The following BCKDHB variants were observed in gnomAD, a reference collection of about 807,000 sequenced individuals.
The protein encoded by BCKDHB is 2-oxoisovalerate dehydrogenase subunit beta, mitochondrial.
BCKDHB carries 41 observed loss-of-function variants against 48.5 expected under a neutral mutation model. That is an observed-to-expected ratio of 0.85 (90% confidence interval 0.66 to 1.10). BCKDHB has a LOEUF of 1.10. Ranked by LOEUF, BCKDHB falls within the 50% of genes least tolerant of loss-of-function variation. The pLI is 0.00. For synonymous variants in BCKDHB, 201 were observed against 174.8 expected, an observed-to-expected ratio of 1.15 and a Z score of -1.18; for missense variants, 496 against 494.2, an observed-to-expected ratio of 1.00 and a Z score of -0.03.
the BCKDHB span, among the ~76,000 whole-genome samples, chr6:80,464,630 C>G: frequency 6.6e-6 from 1 of 152,200 alleles, no homozygotes; most frequent in Non-Finnish European, 1.5e-5. Context: ...AAGGAGACTG[C>G]TTGCCCTTTA....
chr6:80,158,835 A>T (rs988668336), intron 3 of BCKDHB, among the ~76,000 whole-genome samples: 8 of 152,204 alleles, frequency 5.3e-5, no homozygotes, highest in African/African-American at 1.9e-4. Flanking sequence ...CCAAGGCAAC[A>T]TGGTGGGTGA....
intron 9 of BCKDHB, among the ~76,000 whole-genome samples, chr6:80,294,842 TTTTGCCCTTTGG>T (rs1767139836): frequency 6.6e-6 from 1 of 151,724 alleles, no homozygotes; most frequent in African/African-American, 2.4e-5. Context: ...GTAGTTCTCC[TTTTGCCCTTTGG>T]CTTGTGACCT....
chr6:80,323,767 GA>G (rs1356359967), intron 9 of BCKDHB, among the ~76,000 whole-genome samples: 3 of 152,084 alleles, frequency 2.0e-5, no homozygotes, highest in African/African-American at 4.8e-5. Context: ...TTATTAGTGA[GA>G]AAAAGCAAAA....
upstream of BCKDHB, chr6:80,106,669 C>T (rs780700388): frequency 3.9e-6 from 6 of 1,548,398 alleles, no homozygotes; most frequent in Non-Finnish European, 8.7e-7. Context: ...GCTGCATAGC[C>T]TGAGAATCCC....
chr6:80,428,484 A>G, the BCKDHB span, among the ~76,000 whole-genome samples: 1 of 152,110 alleles, frequency 6.6e-6, no homozygotes, highest in Non-Finnish European at 1.5e-5. Context: ...TTACACTCCC[A>G]CCAACAGTGT....
chr6:80,210,789 A>G (rs1204403420), intron 8 of BCKDHB, among the ~76,000 whole-genome samples: 1 of 152,118 alleles, frequency 6.6e-6, no homozygotes, highest in Admixed American at 6.6e-5. Flanking sequence ...CTGATGTGAA[A>G]CAGGAGCTCA....
intron 1 of BCKDHB, among the ~76,000 whole-genome samples, chr6:80,119,065 G>A (rs73477995): frequency 0.012 from 1,780 of 152,162 alleles, 35 homozygotes; most frequent in African/African-American, 0.04. Context: ...CAAGGCTGGC[G>A]GATCATCTGA....
At chr6:80,323,032 G>C (rs1768829108) in intron 9 of BCKDHB, among the ~76,000 whole-genome samples, 1 of 151,806 alleles carries the variant, frequency 6.6e-6, no homozygotes, top group African/African-American at 2.4e-5. Flanking sequence ...ATTGGACAGA[G>C]CTGATTTCAG....
At chr6:80,384,354 T>C in the BCKDHB span, among the ~76,000 whole-genome samples, 1 of 147,498 alleles carries the variant, frequency 6.8e-6, no homozygotes, top group African/African-American at 2.6e-5. Context: ...TCTTCTTTTT[T>C]TTTTTTTTTG....
chr6:80,106,667 G>A (rs1316399732), upstream of BCKDHB: 6 of 1,547,920 alleles, frequency 3.9e-6, no homozygotes, highest in East Asian at 9.8e-5. Context: ...CGGCTGCATA[G>A]CCTGAGAATC....
rs748693585 is a variant in BCKDHB, at chr6:80,129,218, G to A, written c.332G>A (p.Arg111Gln). Residue 111 changes from arginine (R) to glutamine (Q), a missense_variant, in exon 3 of 10, where the codon CGA (arginine) becomes CAA (glutamine). Coordinates refer to ENST00000320393, the MANE Select transcript of BCKDHB (RefSeq NM_183050.4). ...GGVFRCTVGL[R>Q]DKYGKDRVFN... is the part of the protein sequence containing the mutation. Reference sequence around the variant, plus strand: ...GTCTTTAGATGCACTGTTGGCTTGCGAGACAAATATGGTAAGTAAATACCT... The same window carrying A: ...GTCTTTAGATGCACTGTTGGCTTGCAAGACAAATATGGTAAGTAAATACCT... 28 of 1,609,986 alleles carry A rather than the reference G, an allele frequency of 1.7e-5. No homozygotes were observed. Among genetic ancestry groups the A allele is most frequent in the Admixed American group, 3.3e-5 (2 of 59,922 alleles).
chr6:80,394,698 G>T, the BCKDHB span, among the ~76,000 whole-genome samples: 7 of 152,194 alleles, frequency 4.6e-5, no homozygotes, highest in East Asian at 1.3e-3. Flanking sequence ...CCAGCTGTCA[G>T]TAGCTACAGG....
At chr6:80,168,115 A>G (rs563796677) in intron 4 of BCKDHB, among the ~76,000 whole-genome samples, 2 of 152,036 alleles carry the variant, frequency 1.3e-5, no homozygotes, top group South Asian at 2.1e-4. Flanking sequence ...ATGAGAACCC[A>G]TATCTACAAA....
At chr6:80,429,807 C>T in the BCKDHB span, among the ~76,000 whole-genome samples, 1 of 152,206 alleles carries the variant, frequency 6.6e-6, no homozygotes, top group Non-Finnish European at 1.5e-5. Flanking sequence ...ATGTCATCTA[C>T]AAACAGAGAC....
rs576496876 is a variant in BCKDHB, at chr6:80,116,091, C to T, written c.196+9202C>T. Among the ~76,000 whole-genome samples, 6 of 152,302 alleles carry T rather than the reference C, an allele frequency of 3.9e-5. No homozygotes were observed. In the East Asian group the frequency reaches 7.7e-4, roughly 20 times the overall value. On this transcript the variant is annotated intron_variant, in intron 1 of 9. Coordinates refer to ENST00000320393, the MANE Select transcript of BCKDHB (RefSeq NM_183050.4). ...CTAAGCTATAAATCCACTCACTGAC[C>T]GTGTGCTCTGCTCTTGGCCTTATTT... is the stretch of plus-strand genomic sequence containing the variant.
the BCKDHB span, among the ~76,000 whole-genome samples, chr6:80,400,932 G>A: frequency 6.6e-6 from 1 of 151,898 alleles, no homozygotes; most frequent in African/African-American, 2.4e-5. Flanking sequence ...GATGGAGCTG[G>A]AGGTCATTAT....
At position 80,115,142 on chromosome 6, in the gene BCKDHB, A is replaced by ATT. The variant is rs994281993; in HGVS notation, c.196+8260_196+8261dup. On this transcript the variant is annotated intron_variant, in intron 1 of 9. Transcript: ENST00000320393. ...ATTGCCTTTATGGATCTTTCATTTC[A>ATT]TTTTTTTTAAGAGAAGGGGTCTTGC... 6.9e-4 allele frequency among the ~76,000 whole-genome samples: 105 copies of ATT among 151,822 alleles called. 1 individual carries two copies. Among genetic ancestry groups the ATT allele is most frequent in the African/African-American group, 2.5e-3 (102 of 41,368 alleles).
chr6:80,444,609 G>A, the BCKDHB span, among the ~76,000 whole-genome samples: 2 of 152,156 alleles, frequency 1.3e-5, no homozygotes, highest in Admixed American at 6.5e-5. Context: ...TGCATATAGT[G>A]TCTTCATCCC....
chr6:80,226,876 C>A (rs1216030569), intron 8 of BCKDHB, among the ~76,000 whole-genome samples: 1 of 152,224 alleles, frequency 6.6e-6, no homozygotes, highest in Non-Finnish European at 1.5e-5. Flanking sequence ...GTTATGAGCT[C>A]TGAGGCATGG....
Sources: allele counts gnomAD v4.1 joint callset (sites outside exome capture counted in the v4.1 genomes callset), GRCh38; gene constraint gnomAD v4.1.1; transcripts MANE v1.5; gene names NCBI Gene and HGNC (gene_info 2026-07-23, HGNC 2026-07-21).